The following LMBRD1 variants were observed in gnomAD, a reference collection of about 807,000 sequenced individuals.
LMBRD1 encodes the protein LMBR1 domain containing 1.
Under a neutral mutation model 74.8 loss-of-function variants are expected in LMBRD1, and 64 were observed. The observed-to-expected ratio is 0.86, with a 90% CI of 0.70 to 1.05. The LOEUF (loss-of-function observed/expected upper bound fraction) is 1.05, where lower values mean the gene tolerates loss of function less well. Ranked by LOEUF, LMBRD1 falls within the 50% of genes least tolerant of loss-of-function variation. LMBRD1 has a pLI of 0.00. For synonymous variants in LMBRD1, 204 were observed against 216.3 expected (o/e 0.94, Z 0.50); for missense variants, 652 against 645.9 (o/e 1.01, Z -0.10).
rs768661855 is a variant in LMBRD1, at chr6:69,719,065, G to A, written c.653C>T (p.Ala218Val). Residue 218 changes from alanine to valine, a missense_variant, in exon 8 of 16, where the codon GCG becomes GTG. By Grantham distance (64) the Ala-to-Val change is moderately conservative (BLOSUM62 0). This residue lies in a region of LMBRD1 where 598 missense variants were observed against 581.8 expected (regional missense o/e 1.03). Transcript: ENST00000649934. ...AITYTAYGMS[A>V]LPLNLIKGTR... ...GCCTTTTATCAGATTTAAAGGTAAC[G>A]CAGACATGCCATAGGCCTAAAAGAA... 9.3e-6 allele frequency: 15 copies of A among 1,612,646 alleles called. No homozygotes were observed. Among genetic ancestry groups the A allele is most frequent in the Admixed American group, 8.3e-5 (5 of 59,920 alleles).
chr6:69,759,369 A>C (rs1391930193), intron 3 of LMBRD1, among the ~76,000 whole-genome samples: 1 of 152,278 alleles, frequency 6.6e-6, no homozygotes, highest in East Asian at 1.9e-4. Context: ...TAATAAGACA[A>C]AGAAAAATTA....
At chr6:69,699,882 C>T (rs1187026324) in intron 12 of LMBRD1, among the ~76,000 whole-genome samples, 1 of 151,794 alleles carries the variant, frequency 6.6e-6, no homozygotes, top group African/African-American at 2.4e-5. Flanking sequence ...ATTTACATTT[C>T]CCAGGTTCTT....
At chr6:69,752,432 T>C (rs1004007065) in intron 3 of LMBRD1, 76 bp from the exon 4 acceptor site, 18 of 1,178,672 alleles carry the variant, frequency 1.5e-5, no homozygotes, top group East Asian at 7.6e-5. Context: ...TATATGTATA[T>C]ATATTCACTT....
chr6:69,696,307 A>G (rs1369159976), intron 14 of LMBRD1, among the ~76,000 whole-genome samples: 4 of 152,158 alleles, frequency 2.6e-5, no homozygotes, highest in African/African-American at 9.7e-5. Context: ...ATTATTTTAG[A>G]TAGCTCTCCC....
chr6:69,723,128 A>G (rs970473580), intron 7 of LMBRD1, among the ~76,000 whole-genome samples: 1 of 152,160 alleles, frequency 6.6e-6, no homozygotes, highest in African/African-American at 2.4e-5. Flanking sequence ...GCAAGAGGAT[A>G]TAACAATTAT....
chr6:69,764,511 A>C (rs930207889), intron 3 of LMBRD1, among the ~76,000 whole-genome samples: 20 of 152,344 alleles, frequency 1.3e-4, no homozygotes, highest in African/African-American at 4.6e-4. Flanking sequence ...TTAACTAATA[A>C]GACAGCATTC....
chr6:69,763,975 T>C (rs1337023712), intron 3 of LMBRD1, among the ~76,000 whole-genome samples: 5 of 152,182 alleles, frequency 3.3e-5, no homozygotes, highest in Non-Finnish European at 7.3e-5. Context: ...CAGGATAAAT[T>C]TTACTTGTGG....
intron 3 of LMBRD1, among the ~76,000 whole-genome samples, chr6:69,758,917 A>G (rs1464044238): frequency 6.6e-6 from 1 of 152,070 alleles, no homozygotes; most frequent in Non-Finnish European, 1.5e-5. Context: ...CCTTGCATTA[A>G]CTGTGTAGCA....
At chr6:69,796,001 A>G (rs1231373026) in intron 1 of LMBRD1, among the ~76,000 whole-genome samples, 1 of 152,248 alleles carries the variant, frequency 6.6e-6, no homozygotes, top group Non-Finnish European at 1.5e-5. Context: ...TTGAGAAGGT[A>G]GAGAAGTTAT....
chr6:69,755,728 G>GA (rs1320159726), intron 3 of LMBRD1, among the ~76,000 whole-genome samples: 1 of 151,430 alleles, frequency 6.6e-6, no homozygotes, highest in African/African-American at 2.4e-5. Context: ...GTGTAAACTA[G>GA]AAAAAAAAGT....
chr6:69,684,163 T>C (rs1235494947), intron 14 of LMBRD1, among the ~76,000 whole-genome samples: 1 of 151,926 alleles, frequency 6.6e-6, no homozygotes, highest in Non-Finnish European at 1.5e-5. Flanking sequence ...AGATATTACA[T>C]CCATAAAATA....
At chr6:69,734,880 A>G (rs1766940110) in intron 7 of LMBRD1, among the ~76,000 whole-genome samples, 2 of 152,182 alleles carry the variant, frequency 1.3e-5, no homozygotes, top group Non-Finnish European at 2.9e-5. Flanking sequence ...AAAATACTCA[A>G]CTTTTGGTGA....
chr6:69,705,912 T>C (rs1766243885), intron 9 of LMBRD1: 23 of 1,275,996 alleles, frequency 1.8e-5, no homozygotes, highest in Non-Finnish European at 2.2e-5. Context: ...TTGTTGGCTG[T>C]ACAGACATTT....
chr6:69,709,803 T>C (rs777683843), intron 9 of LMBRD1, among the ~76,000 whole-genome samples: 2 of 152,164 alleles, frequency 1.3e-5, no homozygotes, highest in Non-Finnish European at 2.9e-5. Context: ...TTTGCAAGAC[T>C]ATAAAAAATA....
intron 7 of LMBRD1, among the ~76,000 whole-genome samples, chr6:69,728,133 G>A (rs1766775418): frequency 6.6e-6 from 1 of 152,152 alleles, no homozygotes. Context: ...AGAAGGCAAG[G>A]GGGAAGCCAG....
intron 5 of LMBRD1, 33 bp downstream of exon 5, chr6:69,749,308 T>A (rs775600664): frequency 6.1e-6 from 9 of 1,484,346 alleles, no homozygotes; most frequent in Non-Finnish European, 6.5e-6. Flanking sequence ...CTATTTCCAT[T>A]TCATGGTTTA....
At chr6:69,784,862 A>G (rs554027373) in intron 2 of LMBRD1, among the ~76,000 whole-genome samples, 3 of 152,318 alleles carry the variant, frequency 2.0e-5, no homozygotes, top group African/African-American at 7.2e-5. Flanking sequence ...ACTGAATTCT[A>G]AAGTATACAA....
chr6:69,676,288 G>A lies in LMBRD1; in HGVS notation c.1510-17C>T, dbSNP rs149064101. On this transcript the variant is annotated splice_polypyrimidine_tract_variant and intron_variant, in intron 15 of 15. Transcript: ENST00000649934. ...CAAAAATACCTGTAAATTTAAATAAGCCATGTGTTATTTTTCAAATTTAAA... is the reference window on the plus strand; with the variant it reads ...CAAAAATACCTGTAAATTTAAATAAACCATGTGTTATTTTTCAAATTTAAA... 5.4e-5 allele frequency: 87 copies of A among 1,608,778 alleles called. No homozygotes were observed. In the East Asian group the frequency reaches 1.6e-3, roughly 30 times the overall value.
At chr6:69,791,429 G>A (rs1000177362) in intron 1 of LMBRD1, among the ~76,000 whole-genome samples, 5 of 152,178 alleles carry the variant, frequency 3.3e-5, no homozygotes, top group Non-Finnish European at 7.3e-5. Flanking sequence ...TAACTTTTAA[G>A]TACCCTTATA....
Sources: allele counts gnomAD v4.1 joint callset (sites outside exome capture counted in the v4.1 genomes callset), GRCh38; gene constraint gnomAD v4.1.1; regional missense constraint gnomAD v4.1.1; transcripts MANE v1.5; gene names NCBI Gene and HGNC (gene_info 2026-07-23, HGNC 2026-07-21).